The following PPEF1 variants were observed in gnomAD, a reference collection of about 807,000 sequenced individuals.
PPEF1 encodes serine/threonine-protein phosphatase with EF-hands 1.
Under a neutral mutation model 53.3 loss-of-function variants are expected in PPEF1, and 12 were observed. That is an observed-to-expected ratio of 0.23 (90% CI 0.14 to 0.36). The LOEUF (loss-of-function observed/expected upper bound fraction) is 0.36, where lower values mean the gene tolerates loss of function less well. PPEF1 is among the 10% of genes least tolerant of loss of function. The probability of loss-of-function intolerance (pLI) is 1.00; values close to 1 mark genes in which losing one functional copy is unlikely to be tolerated. For missense variants in PPEF1, 334 were observed against 490.4 expected, an observed-to-expected ratio of 0.68 and a Z score of 3.01; for synonymous variants, 165 against 176.7, an observed-to-expected ratio of 0.93 and a Z score of 0.52.
intron 3 of PPEF1, among the ~76,000 whole-genome samples, chrX:18,690,530 C>G (rs1035016507): frequency 9.1e-6 from 1 of 110,386 alleles, no homozygotes; most frequent in African/African-American, 3.3e-5. Flanking sequence ...GTGCCCGCCA[C>G]CATGCCCAGC....
intron 1 of PPEF1, among the ~76,000 whole-genome samples, chrX:18,727,887 G>A (rs757094878): frequency 2.7e-5 from 3 of 112,035 alleles, no homozygotes; most frequent in Non-Finnish European, 3.8e-5. Flanking sequence ...GGCGAGGCAA[G>A]GGGGAAGGGG....
chrX:18,780,990 A>T (rs1476413028), intron 7 of PPEF1, among the ~76,000 whole-genome samples: 1 of 104,639 alleles, frequency 9.6e-6, no homozygotes, highest in African/African-American at 3.5e-5. Context: ...CGGGAGGCAG[A>T]GCTTGCAGTG....
chrX:18,717,463 T>G (rs1002647573), intron 1 of PPEF1, among the ~76,000 whole-genome samples: 1 of 110,151 alleles, frequency 9.1e-6, no homozygotes, highest in African/African-American at 3.3e-5. Context: ...TCCCCTCCAG[T>G]TCCTCTCGTC....
At chrX:18,677,574 G>A (rs929541093) in intron 1 of PPEF1, among the ~76,000 whole-genome samples, 1 of 111,333 alleles carries the variant, frequency 9.0e-6, no homozygotes, top group East Asian at 2.8e-4. Flanking sequence ...TTCTAAGGAC[G>A]GTTTCATGTC....
chrX:18,740,248 C>T (rs776237484), intron 3 of PPEF1, among the ~76,000 whole-genome samples: 6 of 112,319 alleles, frequency 5.3e-5, no homozygotes, highest in East Asian at 5.6e-4. Flanking sequence ...TGTTCCTATT[C>T]GGCCATCTTG....
At chrX:18,789,444 T>A (rs1332356228) in intron 10 of PPEF1, among the ~76,000 whole-genome samples, 171 bp downstream of exon 10, 1 of 112,507 alleles carries the variant, frequency 8.9e-6, no homozygotes, top group Non-Finnish European at 1.9e-5. Context: ...TCACATACCA[T>A]GTAACTCACC....
intron 3 of PPEF1, among the ~76,000 whole-genome samples, chrX:18,742,699 A>C (rs775348418): frequency 2.7e-5 from 3 of 110,609 alleles, no homozygotes; most frequent in Non-Finnish European, 5.7e-5. Flanking sequence ...AAATACAAAA[A>C]TTAGCTGGGT....
At chrX:18,712,991 A>G (rs1364264664) in intron 1 of PPEF1, among the ~76,000 whole-genome samples, 1 of 111,867 alleles carries the variant, frequency 8.9e-6, no homozygotes, top group East Asian at 2.8e-4. Flanking sequence ...ATCATGGTGT[A>G]TAATGCTTTT....
chrX:18,724,319 A>T (rs2044656375), intron 1 of PPEF1, among the ~76,000 whole-genome samples: 1 of 111,917 alleles, frequency 8.9e-6, no homozygotes, highest in Non-Finnish European at 1.9e-5. Flanking sequence ...GTTGAAGTAG[A>T]TGATCCACAT....
chrX:18,798,918 G>C (rs915483180), intron 10 of PPEF1, among the ~76,000 whole-genome samples: 1 of 111,123 alleles, frequency 9.0e-6, no homozygotes, highest in African/African-American at 3.3e-5. Context: ...GAGCCACCAT[G>C]TCCGGCCTGA....
At chrX:18,788,828 T>C (rs1300486405) in intron 9 of PPEF1, among the ~76,000 whole-genome samples, 2 of 112,463 alleles carry the variant, frequency 1.8e-5, no homozygotes. Context: ...ATTTTCTGTG[T>C]GGATGCCACA....
In PPEF1 at chrX:18,782,413, CTTTTT is replaced by C; in HGVS notation, c.762+23_762+27del. ...TTGCATAAATATAAGGTAAGACATG[CTTTTT>C]TTTTTTTTTTTAGTATTCACTTTGC... On this transcript the variant is annotated intron_variant, in intron 8 of 15. Coordinates refer to ENST00000470157, the MANE Select transcript of PPEF1 (RefSeq NM_001377996.1). 1.4e-5 allele frequency: 13 copies of C among 939,236 alleles called. No individual in the cohort carries two copies. The highest frequency in any genetic ancestry group is 7.0e-5 in the East Asian group (2 of 28,437). 77.4% of individuals were successfully genotyped at this position (939,236 alleles called of 1,213,427 possible).
chrX:18,696,494 C>T (rs1045938386), intron 4 of PPEF1, among the ~76,000 whole-genome samples: 3 of 110,956 alleles, frequency 2.7e-5, no homozygotes, highest in South Asian at 3.8e-4. Context: ...CAGTAAGTTT[C>T]GTGAGAATGG....
intron 1 of PPEF1, among the ~76,000 whole-genome samples, chrX:18,716,390 G>A (rs1312678139): frequency 1.8e-5 from 2 of 108,853 alleles, no homozygotes; most frequent in East Asian, 5.8e-4. Flanking sequence ...AAATTAGCAG[G>A]GCGTGGTGGC....
At chrX:18,755,667 C>G (rs754717050) in intron 4 of PPEF1, among the ~76,000 whole-genome samples, 1 of 111,133 alleles carries the variant, frequency 9.0e-6, no homozygotes, top group African/African-American at 3.3e-5. Flanking sequence ...ATTTTCATCA[C>G]CCCCAAACAA....
rs369912762 is a variant in PPEF1 at position 18,821,172 on chromosome X, G to A, written c.1502-2751G>A. Among the ~76,000 whole-genome samples the A allele has an allele frequency of 1.9e-4, 19 of 102,346 alleles. No individual in the cohort carries two copies. In the East Asian group the frequency reaches 2.8e-3, roughly 15 times the overall value. The allele number at this position is 102,346 out of a possible 115,157, so 88.9% of individuals were successfully genotyped here. On this transcript the variant is annotated intron_variant, in intron 13 of 15. Coordinates refer to ENST00000470157, the MANE Select transcript of PPEF1 (RefSeq NM_001377996.1). ...CAGGAGGCGCAGCTTGCAGTGAGCC[G>A]AGATTGCGCCACTGCACTCCAGACT...
chrX:18,687,595 G>A (rs193114673), intron 3 of PPEF1, among the ~76,000 whole-genome samples: 27 of 111,411 alleles, frequency 2.4e-4, no homozygotes, highest in Non-Finnish European at 4.1e-4. Context: ...GGAAATGCAG[G>A]CCTCTCCTGG....
At chrX:18,720,541 A>T (rs779923692) in intron 1 of PPEF1, among the ~76,000 whole-genome samples, 52 of 110,818 alleles carry the variant, frequency 4.7e-4, no homozygotes, top group African/African-American at 1.6e-3. Flanking sequence ...GCAGTGAGCC[A>T]AGATCGCGCC....
intron 6 of PPEF1, among the ~76,000 whole-genome samples, chrX:18,765,253 G>T (rs1156512836): frequency 9.0e-6 from 1 of 111,494 alleles, no homozygotes; most frequent in East Asian, 2.8e-4. Flanking sequence ...AAGGTAAAAT[G>T]CATCTTGGAC....
Sources: gnomAD v4.1 joint callset for allele counts (sites outside exome capture counted in the v4.1 genomes callset) on GRCh38, gnomAD v4.1.1 for gene constraint, MANE v1.5 for transcripts, NCBI Gene and HGNC (gene_info 2026-07-23, HGNC 2026-07-21) for gene names.